The following FAF1 variants were observed in gnomAD, a reference collection of about 807,000 sequenced individuals.
FAF1 encodes FAS-associated factor 1.
Under a neutral mutation model 92.5 loss-of-function variants are expected in FAF1, and 25 were observed. The observed-to-expected ratio is 0.27, with a 90% CI of 0.20 to 0.38. The LOEUF is 0.38. Ranked by LOEUF, FAF1 falls within the 10% of genes least tolerant of loss-of-function variation. FAF1 has a pLI of 1.00. For synonymous variants in FAF1, 234 were observed against 273.2 expected (o/e 0.86, Z 1.42); for missense variants, 636 against 793.3 (o/e 0.80, Z 2.38).
chr1:50,475,380 C>T, intron 18 of FAF1, 84 bp downstream of exon 18: 1 of 1,097,696 alleles, frequency 9.1e-7, no homozygotes, highest in Middle Eastern at 2.1e-4. Flanking sequence ...CACCATGGGA[C>T]TTTTCTTGAA....
chr1:50,698,056 T>C (rs1409934546), intron 7 of FAF1, among the ~76,000 whole-genome samples: 1 of 152,162 alleles, frequency 6.6e-6, no homozygotes, highest in Non-Finnish European at 1.5e-5. Context: ...ATTTTCTACA[T>C]GCAGGCCTTA....
At chr1:50,907,834 T>C (rs555665199) in intron 1 of FAF1, among the ~76,000 whole-genome samples, 23 of 152,328 alleles carry the variant, frequency 1.5e-4, no homozygotes, top group African/African-American at 2.6e-4. Context: ...CCTGGATTCA[T>C]TGATTTTTTT....
chr1:50,562,157 A>C (rs1356075396), intron 13 of FAF1, among the ~76,000 whole-genome samples: 1 of 152,216 alleles, frequency 6.6e-6, no homozygotes, highest in African/African-American at 2.4e-5. Context: ...TTCATTAAGA[A>C]TACATTGTAC....
chr1:50,901,136 T>C (rs1644793185), intron 1 of FAF1, among the ~76,000 whole-genome samples: 1 of 152,214 alleles, frequency 6.6e-6, no homozygotes, highest in Non-Finnish European at 1.5e-5. Context: ...TCTGAATCTA[T>C]GTTCTTCTAA....
At chr1:50,734,677 T>C (rs1029330775) in intron 6 of FAF1, among the ~76,000 whole-genome samples, 4 of 149,390 alleles carry the variant, frequency 2.7e-5, no homozygotes, top group African/African-American at 9.9e-5. Flanking sequence ...GAGCTTGCAT[T>C]GAGCCGAGAT....
chr1:50,896,865 G>A lies in FAF1; in HGVS notation c.46-38868C>T, dbSNP rs79859002. ...AAGAAGAGTTACGGAGATGGATGAT[G>A]GTGATGGTTGCACAATTTAACTATA... is the stretch of plus-strand genomic sequence containing the variant. On this transcript the variant is annotated intron_variant, in intron 1 of 18. Transcript: ENST00000396153. 3.0e-3 allele frequency among the ~76,000 whole-genome samples: 455 copies of A among 152,214 alleles called. 4 individuals carry two copies. The highest frequency in any genetic ancestry group is 0.01 in the African/African-American group (430 of 41,554).
Position 50,905,711 on chromosome 1 carries a change from C to T in FAF1, c.46-47714G>A, listed in dbSNP as rs571665027. ...AGAAGTGTCTGTTAATATCCTTCAC[C>T]CACTTTTTGATGGGGTTGATTTTTT... On this transcript the variant is annotated intron_variant, in intron 1 of 18. Transcript: ENST00000396153. Among the ~76,000 whole-genome samples, 28 of 152,238 alleles carry T rather than the reference C, an allele frequency of 1.8e-4. No homozygotes were observed. The East Asian group carries it at 5.2e-3, about 28-fold the overall frequency.
At chr1:50,490,080 C>T (rs779810514) in intron 17 of FAF1, among the ~76,000 whole-genome samples, 3 of 152,214 alleles carry the variant, frequency 2.0e-5, no homozygotes, top group Non-Finnish European at 4.4e-5. Context: ...AGTTTTGCAG[C>T]TGGGTGCGGT....
At chr1:50,864,920 A>G (rs1644467382) in intron 1 of FAF1, among the ~76,000 whole-genome samples, 3 of 152,146 alleles carry the variant, frequency 2.0e-5, no homozygotes, top group South Asian at 2.1e-4. Context: ...AAAATGGGAG[A>G]AAATTTTCAC....
chr1:50,870,038 T>C (rs1313166914), intron 1 of FAF1, among the ~76,000 whole-genome samples: 1 of 152,260 alleles, frequency 6.6e-6, no homozygotes, highest in Non-Finnish European at 1.5e-5. Flanking sequence ...CTGAACTTTA[T>C]GGACTTCATT....
chr1:50,524,823 C>T (rs1426420617), intron 15 of FAF1, among the ~76,000 whole-genome samples: 1 of 151,980 alleles, frequency 6.6e-6, no homozygotes, highest in East Asian at 1.9e-4. Context: ...TAGCATAATC[C>T]CTCCATCTTT....
intron 4 of FAF1, among the ~76,000 whole-genome samples, chr1:50,749,875 G>C (rs1659784387): frequency 6.6e-6 from 1 of 151,972 alleles, no homozygotes; most frequent in South Asian, 2.1e-4. Context: ...CACTTCGTTG[G>C]GTTGCTGTAT....
chr1:50,614,012 G>T (rs1406892181), intron 8 of FAF1, among the ~76,000 whole-genome samples: 1 of 151,902 alleles, frequency 6.6e-6, no homozygotes, highest in East Asian at 1.9e-4. Flanking sequence ...CAGGAGAACT[G>T]CTTGAACCTG....
At chr1:50,509,000 G>A (rs972863360) in intron 15 of FAF1, among the ~76,000 whole-genome samples, 1 of 152,150 alleles carries the variant, frequency 6.6e-6, no homozygotes, top group Admixed American at 6.5e-5. Context: ...CACTGTGCCT[G>A]GCCCAAATTG....
intron 18 of FAF1, among the ~76,000 whole-genome samples, chr1:50,467,020 T>C (rs983857875): frequency 1.1e-4 from 16 of 152,324 alleles, no homozygotes; most frequent in Admixed American, 1.0e-3. Flanking sequence ...CAGGGATCTA[T>C]TGCCCCTTTT....
At chr1:50,456,394 C>T (rs1466700820) in intron 18 of FAF1, among the ~76,000 whole-genome samples, 1 of 152,120 alleles carries the variant, frequency 6.6e-6, no homozygotes, top group African/African-American at 2.4e-5. Context: ...GCCATGCCTC[C>T]TCCCCCAAAC....
intron 6 of FAF1, among the ~76,000 whole-genome samples, chr1:50,721,371 C>T (rs951684826): frequency 9.9e-5 from 15 of 151,726 alleles, no homozygotes; most frequent in African/African-American, 3.1e-4. Flanking sequence ...CGCACCACTA[C>T]GCCCAGCTAA....
intron 1 of FAF1, among the ~76,000 whole-genome samples, chr1:50,911,832 A>G (rs954963185): frequency 4.6e-5 from 7 of 152,200 alleles, no homozygotes; most frequent in Non-Finnish European, 7.3e-5. Context: ...CAAGAGTTCA[A>G]GACCAGCCTG....
chr1:50,555,949 GTA>G (rs1042179976), intron 13 of FAF1, among the ~76,000 whole-genome samples: 4 of 151,666 alleles, frequency 2.6e-5, no homozygotes, highest in African/African-American at 7.3e-5. Flanking sequence ...TATACATGGT[GTA>G]TATATATGGT....
Sources: allele counts gnomAD v4.1 joint callset (sites outside exome capture counted in the v4.1 genomes callset), GRCh38; gene constraint gnomAD v4.1.1; transcripts MANE v1.5; gene names NCBI Gene and HGNC (gene_info 2026-07-23, HGNC 2026-07-21).